The following LEPR variants were observed in gnomAD, a reference collection of about 807,000 sequenced individuals.
LEPR encodes OB receptor.
A neutral mutation model predicts 114.7 loss-of-function variants in LEPR; 56 were observed. The ratio of observed to expected loss-of-function variants is 0.49; its 90% CI spans 0.39 to 0.61. The LOEUF (loss-of-function observed/expected upper bound fraction) is 0.61, where lower values mean the gene tolerates loss of function less well. LEPR is among the 20% of genes least tolerant of loss of function. The pLI is 0.00. For synonymous variants in LEPR, 443 were observed against 461.4 expected, an observed-to-expected ratio of 0.96 and a Z score of 0.51; for missense variants, 1,202 against 1,352.9, an observed-to-expected ratio of 0.89 and a Z score of 1.75.
intron 5 of LEPR, among the ~76,000 whole-genome samples, chr1:65,583,886 T>C (rs1655154168): frequency 1.3e-5 from 2 of 152,080 alleles, no homozygotes; most frequent in South Asian, 4.1e-4. Flanking sequence ...ATGAATATAA[T>C]GAGACAGGAA....
Position 65,473,874 on chromosome 1 carries a change from T to A in LEPR, c.-21+48496T>A, listed in dbSNP as rs549498211. On this transcript the variant is annotated intron_variant, in intron 2 of 19. Coordinates refer to ENST00000349533, the MANE Select transcript of LEPR (RefSeq NM_002303.6). The stretch of plus-strand genomic sequence containing the variant: ...TGTTTGTAAATTAGAATGTTAGCTA[T>A]AATTATAAGAAATTGAAAAATTCAT... Among the ~76,000 whole-genome samples the A allele has an allele frequency of 5.3e-4, 80 of 152,350 alleles. 2 individuals are homozygous for A. Among genetic ancestry groups the A allele is most frequent in the Middle Eastern group, 3.4e-3 (1 of 294 alleles).
At chr1:65,434,137 TA>T in intron 2 of LEPR, 2 of 984,096 alleles carry the variant, frequency 2.0e-6, no homozygotes, top group Non-Finnish European at 2.4e-6. Context: ...TACTTGCATA[TA>T]GAGTATTTGA....
chr1:65,636,011 A>C (rs1166923646), intron 19 of LEPR, among the ~76,000 whole-genome samples, 180 bp from the exon 20 acceptor site: 1 of 152,192 alleles, frequency 6.6e-6, no homozygotes, highest in African/African-American at 2.4e-5. Flanking sequence ...AAATGCTATC[A>C]TCTTAAACGG....
chr1:65,588,612 C>T (rs79273326), intron 5 of LEPR, among the ~76,000 whole-genome samples: 1 of 152,154 alleles, frequency 6.6e-6, no homozygotes, highest in East Asian at 1.9e-4. Flanking sequence ...ACCTCTGTCC[C>T]CAGGGAATGG....
intron 2 of LEPR, among the ~76,000 whole-genome samples, chr1:65,533,478 G>A (rs74084014): frequency 0.035 from 5,353 of 151,978 alleles, 153 homozygotes; most frequent in African/African-American, 0.069. Flanking sequence ...TCAAGACAAT[G>A]TTTCTTTATT....
intron 2 of LEPR, chr1:65,434,435 C>A: frequency 1.0e-6 from 1 of 985,298 alleles, no homozygotes; most frequent in Non-Finnish European, 1.2e-6. Context: ...TGAAGGGATT[C>A]TTTATCATGT....
intron 2 of LEPR, chr1:65,429,821 G>C: frequency 7.3e-7 from 1 of 1,375,484 alleles, no homozygotes; most frequent in African/African-American, 1.5e-5. Context: ...AAATGTAACT[G>C]TTACTTTTCT....
At chr1:65,463,566 A>G (rs1350726922) in intron 2 of LEPR, among the ~76,000 whole-genome samples, 1 of 152,162 alleles carries the variant, frequency 6.6e-6, no homozygotes, top group Non-Finnish European at 1.5e-5. Flanking sequence ...GAAGAAAGTC[A>G]GTGGTAGCTT....
chr1:65,539,263 T>C (rs1028325110), intron 2 of LEPR, among the ~76,000 whole-genome samples: 6 of 145,330 alleles, frequency 4.1e-5, no homozygotes, highest in African/African-American at 1.3e-4. Context: ...TTTTTTTTTT[T>C]CTTTAATTTA....
At chr1:65,433,541 C>T in intron 2 of LEPR, 1 of 985,344 alleles carries the variant, frequency 1.0e-6, no homozygotes, top group Non-Finnish European at 1.2e-6. Context: ...ATCCTTGAGG[C>T]TTGTGATCTG....
intron 2 of LEPR, chr1:65,434,056 A>G (rs189785466): frequency 6.1e-6 from 6 of 985,262 alleles, no homozygotes; most frequent in East Asian, 1.1e-4. Flanking sequence ...CACATTTTCA[A>G]TAACCAAGGT....
At chr1:65,519,109 C>T (rs1320381405) in intron 2 of LEPR, among the ~76,000 whole-genome samples, 2 of 109,592 alleles carry the variant, frequency 1.8e-5, no homozygotes, top group Non-Finnish European at 3.7e-5. Flanking sequence ...GTGTCTCTCT[C>T]TCCTTCCTTC....
chr1:65,551,781 C>G (rs1436623389), intron 2 of LEPR, among the ~76,000 whole-genome samples: 1 of 152,132 alleles, frequency 6.6e-6, no homozygotes, highest in Non-Finnish European at 1.5e-5. Context: ...TTCTCTAGTT[C>G]TTTTAATTGT....
At position 65,619,859 on chromosome 1, in the gene LEPR, T is replaced by A. The variant is rs1657768800; in HGVS notation, c.2396-69T>A. 5.0e-6 allele frequency: 6 copies of A among 1,193,404 alleles called. No homozygotes were observed. In the South Asian group the frequency reaches 6.4e-5, roughly 13 times the overall value. 73.9% of individuals were successfully genotyped at this position (1,193,404 alleles called of 1,614,324 possible). ...TATGATAGTCACTTTAATTCTTTTT[T>A]AAAATGTATGTTCCACTCATTACTA... On this transcript the variant is annotated intron_variant, in intron 16 of 19. Coordinates refer to ENST00000349533, the MANE Select transcript of LEPR (RefSeq NM_002303.6).
chr1:65,604,774 T>C (rs1260346863), intron 10 of LEPR, among the ~76,000 whole-genome samples: 1 of 152,198 alleles, frequency 6.6e-6, no homozygotes, highest in Non-Finnish European at 1.5e-5. Flanking sequence ...ATTAGATTCT[T>C]AGAGGAGCAG....
chr1:65,568,606 G>T (rs1653939977), intron 3 of LEPR, among the ~76,000 whole-genome samples: 1 of 151,904 alleles, frequency 6.6e-6, no homozygotes, highest in African/African-American at 2.4e-5. Context: ...CCATGACTTT[G>T]CTATTGTGAA....
chr1:65,456,424 C>T (rs1646877158), intron 2 of LEPR, among the ~76,000 whole-genome samples: 1 of 152,110 alleles, frequency 6.6e-6, no homozygotes, highest in African/African-American at 2.4e-5. Context: ...TTCAGGTCTC[C>T]AACTACAATC....
intron 2 of LEPR, among the ~76,000 whole-genome samples, chr1:65,523,814 T>A (rs1270741672): frequency 6.6e-6 from 1 of 152,186 alleles, no homozygotes; most frequent in Non-Finnish European, 1.5e-5. Context: ...GAATGTGACC[T>A]TATTTGGAAA....
rs367835769 is a variant in LEPR at position 65,540,387 on chromosome 1, G to T, written c.-20-25159G>T. ...GGGAGATATTTGGGTCATGGGGTGG[G>T]TCCCTCACGAATGGCTTGGTGCCCT... On this transcript the variant is annotated intron_variant, in intron 2 of 19. Transcript: ENST00000349533. Among the ~76,000 whole-genome samples, 25 of 152,234 alleles carry T rather than the reference G, an allele frequency of 1.6e-4. No individual in the cohort carries two copies. The East Asian group carries it at 3.1e-3, about 19-fold the overall frequency.
Sources: allele counts gnomAD v4.1 joint callset (sites outside exome capture counted in the v4.1 genomes callset), GRCh38; gene constraint gnomAD v4.1.1; transcripts MANE v1.5; gene names NCBI Gene and HGNC (gene_info 2026-07-23, HGNC 2026-07-21).